Variants in EYA2 observed in about 807,000 individuals in gnomAD.
EYA2 encodes protein phosphatase EYA2.
Under a neutral mutation model 69.2 loss-of-function variants are expected in EYA2, and 31 were observed. The ratio of observed to expected loss-of-function variants is 0.45; its 90% confidence interval spans 0.34 to 0.60. The LOEUF is 0.60. Among genes scored for constraint, EYA2 ranks in the 20% least tolerant of loss-of-function variants. The probability of loss-of-function intolerance (pLI) is 0.02; values close to 1 mark genes in which losing one functional copy is unlikely to be tolerated. For synonymous variants in EYA2, 257 were observed against 279.4 expected (o/e 0.92, Z 0.80); for missense variants, 622 against 701.2 (o/e 0.89, Z 1.28).
chr20:47,040,829 G>A (rs1197702106), intron 5 of EYA2, among the ~76,000 whole-genome samples: 1 of 149,530 alleles, frequency 6.7e-6, no homozygotes, highest in Non-Finnish European at 1.5e-5. Context: ...AAATGGGAGT[G>A]TCTGGGGGTT....
intron 1 of EYA2, among the ~76,000 whole-genome samples, chr20:46,920,968 C>A (rs1313079907): frequency 1.3e-5 from 2 of 152,228 alleles, no homozygotes; most frequent in African/African-American, 4.8e-5. Context: ...AATTCAGATG[C>A]CCCTCATCTA....
chr20:47,040,674 G>A (rs1985009970), intron 5 of EYA2, among the ~76,000 whole-genome samples: 1 of 152,166 alleles, frequency 6.6e-6, no homozygotes, highest in African/African-American at 2.4e-5. Flanking sequence ...CCACACAACA[G>A]GTAGGGACTG....
intron 4 of EYA2, among the ~76,000 whole-genome samples, chr20:47,012,282 T>C (rs145608449): frequency 2.7e-4 from 41 of 152,340 alleles, no homozygotes; most frequent in African/African-American, 9.4e-4. Context: ...AAGATACTTA[T>C]CAGAGATGCC....
chr20:47,054,397 G>A (rs977475483), intron 5 of EYA2, among the ~76,000 whole-genome samples: 17 of 152,288 alleles, frequency 1.1e-4, no homozygotes, highest in African/African-American at 4.1e-4. Flanking sequence ...CGTAGGGCTG[G>A]TGATGAAAAA....
intron 1 of EYA2, chr20:46,901,357 T>C (rs1048350036): frequency 2.0e-5 from 3 of 152,374 alleles, no homozygotes; most frequent in Admixed American, 2.0e-4. Context: ...AAGGTATTCA[T>C]GGTTTCCAAA....
rs1207178627 is a variant in EYA2 at position 47,188,055 on chromosome 20, C to G, written c.1539C>G (p.His513Gln). The G allele has an allele frequency of 6.4e-7, 1 of 1,567,054 alleles. No homozygotes were observed. The highest frequency in any genetic ancestry group is 8.7e-7 in the Non-Finnish European group (1 of 1,155,584). Residue 513 changes from histidine (H) to glutamine (Q), a missense_variant and splice_region_variant, in exon 16 of 16, where the codon CAC (histidine) becomes CAG (glutamine). Transcript: ENST00000327619. ...GVEEEQGAKK[H>Q]NMPFWRISCH... ...GTGGCTGGTGTTCTGTGTTTCAGCA[C>G]AACATGCCTTTCTGGCGGATATCCT...
intron 8 of EYA2, among the ~76,000 whole-genome samples, chr20:47,090,101 A>G (rs1418432786): frequency 6.6e-6 from 1 of 152,184 alleles, no homozygotes; most frequent in Middle Eastern, 3.4e-3. Context: ...TTCATTATCA[A>G]GTTGCACCTC....
chr20:46,974,628 G>A (rs1263460202), intron 1 of EYA2, among the ~76,000 whole-genome samples: 2 of 152,108 alleles, frequency 1.3e-5, no homozygotes, highest in African/African-American at 2.4e-5. Flanking sequence ...CAAGCACTTC[G>A]TGTTGTCCAG....
At chr20:47,160,848 GC>G (rs1484915122) in intron 10 of EYA2, 2 of 251,352 alleles carry the variant, frequency 8.0e-6, no homozygotes, top group East Asian at 1.0e-4. Flanking sequence ...CTATGTTGTA[GC>G]CACAGCTGGA....
intron 5 of EYA2, among the ~76,000 whole-genome samples, chr20:47,022,449 G>T (rs1030492033): frequency 6.6e-6 from 1 of 152,030 alleles, no homozygotes; most frequent in African/African-American, 2.4e-5. Flanking sequence ...AAGTAGCTGG[G>T]ATTACAGGCG....
At chr20:47,155,264 A>G (rs2033900539) in intron 10 of EYA2, among the ~76,000 whole-genome samples, 1 of 152,062 alleles carries the variant, frequency 6.6e-6, no homozygotes, top group Non-Finnish European at 1.5e-5. Flanking sequence ...AGCAACAAGC[A>G]ACCACATGAA....
intron 1 of EYA2, among the ~76,000 whole-genome samples, chr20:46,958,539 T>C (rs1319937262): frequency 6.6e-6 from 1 of 152,206 alleles, no homozygotes; most frequent in Non-Finnish European, 1.5e-5. Flanking sequence ...AACTTGTCCA[T>C]GAGGAACCCT....
At chr20:46,973,438 A>G (rs940736937) in intron 1 of EYA2, among the ~76,000 whole-genome samples, 2 of 152,310 alleles carry the variant, frequency 1.3e-5, no homozygotes, top group Non-Finnish European at 2.9e-5. Context: ...CACCCTTACA[A>G]AGGCATGTTG....
chr20:46,902,565 G>A (rs933879083), intron 1 of EYA2, among the ~76,000 whole-genome samples: 10 of 152,204 alleles, frequency 6.6e-5, no homozygotes, highest in Non-Finnish European at 1.5e-4. Context: ...TGCTCCCGTG[G>A]TATAACAAGA....
intron 11 of EYA2, among the ~76,000 whole-genome samples, chr20:47,169,606 C>T (rs2034278649): frequency 6.6e-6 from 1 of 152,198 alleles, no homozygotes; most frequent in Admixed American, 6.5e-5. Context: ...TTTTTTCCTG[C>T]TTACTGAAGT....
At chr20:47,014,792 T>G (rs994453728) in intron 4 of EYA2, among the ~76,000 whole-genome samples, 10 of 152,148 alleles carry the variant, frequency 6.6e-5, no homozygotes, top group African/African-American at 2.4e-4. Context: ...CATGTGTGTG[T>G]GTTATGTGTG....
At chr20:46,995,746 C>G (rs577565728) in intron 2 of EYA2, among the ~76,000 whole-genome samples, 75 of 152,332 alleles carry the variant, frequency 4.9e-4, no homozygotes, top group African/African-American at 1.8e-3. Flanking sequence ...TCATTAGCTT[C>G]TTAATCCTCC....
At chr20:47,107,116 A>G (rs764291133) in intron 9 of EYA2, among the ~76,000 whole-genome samples, 51 of 152,164 alleles carry the variant, frequency 3.4e-4, no homozygotes, top group Non-Finnish European at 4.4e-5. Flanking sequence ...CCTGCATGCC[A>G]GGTGTACTGT....
intron 11 of EYA2, among the ~76,000 whole-genome samples, chr20:47,172,308 C>CACACGAGGAGCCTGTGGGCCCA (rs2034337598): frequency 6.6e-6 from 1 of 151,826 alleles, no homozygotes; most frequent in South Asian, 2.1e-4. Flanking sequence ...TGGTGGCGCA[C>CACACGAGGAGCCTGTGGGCCCA]ACACGAGGAG....
Sources: allele counts gnomAD v4.1 joint callset (sites outside exome capture counted in the v4.1 genomes callset), GRCh38; gene constraint gnomAD v4.1.1; transcripts MANE v1.5; gene names NCBI Gene and HGNC (gene_info 2026-07-23, HGNC 2026-07-21).